Variants in MYO10 observed in about 807,000 individuals in gnomAD.
MYO10 encodes unconventional myosin-X.
Under a neutral mutation model 257.3 loss-of-function variants are expected in MYO10, and 133 were observed. The observed-to-expected ratio is 0.52, with a 90% CI of 0.45 to 0.60. The LOEUF (loss-of-function observed/expected upper bound fraction) is 0.60. MYO10 is among the 20% of genes least tolerant of loss of function. The pLI is 0.00. For missense variants in MYO10, 2,399 were observed against 2,635.7 expected (o/e 0.91, Z 1.97); for synonymous variants, 1,104 against 1,028.6 (o/e 1.07, Z -1.40).
At chr5:16,824,048 G>C (rs1034764588) in intron 2 of MYO10, among the ~76,000 whole-genome samples, 11 of 152,058 alleles carry the variant, frequency 7.2e-5, no homozygotes, top group Non-Finnish European at 8.8e-5. Context: ...ATTGGCGTGG[G>C]GGCAGAACAA....
intron 3 of MYO10, among the ~76,000 whole-genome samples, chr5:16,798,495 AG>A (rs1221859086): frequency 2.6e-5 from 4 of 151,916 alleles, no homozygotes; most frequent in Admixed American, 6.6e-5. Context: ...GAAAAAAAAA[AG>A]TGTCCTACTC....
chr5:16,671,495 A>T lies in MYO10; in HGVS notation c.5357T>A (p.Phe1786Tyr). ...TGTGTCCAGGAAGCAGTAAAGTTTG[A>T]AGTAGAATTTCCATGGCAGGTCCCC... ...EVGDLPWKFY[F>Y]KLYCFLDTDN... Residue 1786 changes from phenylalanine (F) to tyrosine (Y), a missense_variant, in exon 38 of 41, where the codon TTC (phenylalanine) becomes TAC (tyrosine). Phe to Tyr is a conservative substitution (Grantham distance 22). This residue lies in a region of MYO10 where 1,820 missense variants were observed against 1,939.4 expected (regional missense o/e 0.94). Coordinates refer to ENST00000513610, the MANE Select transcript of MYO10 (RefSeq NM_012334.3). The T allele has an allele frequency of 6.2e-7, 1 of 1,614,002 alleles. No individual in the cohort carries two copies. Among genetic ancestry groups the T allele is most frequent in the Non-Finnish European group, 8.5e-7 (1 of 1,179,874 alleles).
chr5:16,818,395 T>C (rs1434686658), intron 2 of MYO10, among the ~76,000 whole-genome samples: 1 of 110,420 alleles, frequency 9.1e-6, no homozygotes, highest in East Asian at 2.5e-4. Context: ...TGTGTGTGTG[T>C]GTGTGTGTGT....
Position 16,674,976 on chromosome 5 carries a change from G to A in MYO10, c.4841C>T (p.Thr1614Ile). 6.2e-7 allele frequency: 1 copy of A among 1,613,988 alleles called. No individual in the cohort carries two copies. Among genetic ancestry groups the A allele is most frequent in the Non-Finnish European group, 8.5e-7 (1 of 1,179,898 alleles). Residue 1614 changes from threonine (T) to isoleucine (I), a missense_variant, in exon 35 of 41, where the codon ACC becomes ATC. By Grantham distance (89) the Thr-to-Ile change is moderately conservative. Around this residue, in one of 3 missense-constraint regions of MYO10, gnomAD observed 1,820 missense variants for 1,939.4 expected, o/e 0.94. Coordinates refer to ENST00000513610, the MANE Select transcript of MYO10 (RefSeq NM_012334.3). ...ACTGCCGGGGTGGGGCACTTTGTTG[G>A]TCTGTTTGATAAGCTGGCAGTACAG... ...DELYCQLIKQ[T>I]NKVPHPGSVG...
intron 3 of MYO10, among the ~76,000 whole-genome samples, chr5:16,805,500 C>T (rs1269370321): frequency 6.7e-6 from 1 of 149,120 alleles, no homozygotes; most frequent in Non-Finnish European, 1.5e-5. Flanking sequence ...AAAAAGAAAT[C>T]CTAAGGTCTA....
chr5:16,690,750 AG>A (rs1487792090), intron 27 of MYO10, among the ~76,000 whole-genome samples: 1 of 151,960 alleles, frequency 6.6e-6, no homozygotes, highest in Non-Finnish European at 1.5e-5. Context: ...TATTTCCATC[AG>A]GGGTGCTGGG....
intron 19 of MYO10, chr5:16,738,291 A>G: frequency 1.0e-6 from 1 of 985,512 alleles, no homozygotes; most frequent in Non-Finnish European, 1.2e-6. Context: ...GGTGGTTAGC[A>G]GTGTCCCAGG....
rs908907748 is a variant in MYO10 at position 16,792,586 on chromosome 5, G to C, written c.467+2060C>G. The stretch of plus-strand genomic sequence containing the variant: ...CCCCAGTCCCTCCCCACAGGAGCGG[G>C]GGGCGGGGGGCTGCTCTAAGTGCTC... On this transcript the variant is annotated intron_variant, in intron 4 of 40. Coordinates refer to ENST00000513610, the MANE Select transcript of MYO10 (RefSeq NM_012334.3). Among the ~76,000 whole-genome samples the C allele has an allele frequency of 1.2e-3, 85 of 71,496 alleles. 1 individual carries two copies. The highest frequency in any genetic ancestry group is 3.4e-3 in the African/African-American group (80 of 23,876). The allele number at this position is 71,496 out of a possible 152,430, so 46.9% of individuals were successfully genotyped here.
chr5:16,898,932 G>GCCTGGCCA (rs1554007276), intron 1 of MYO10, among the ~76,000 whole-genome samples: 1 of 72,812 alleles, frequency 1.4e-5, no homozygotes, highest in East Asian at 4.8e-4. Context: ...GATCACCTGA[G>GCCTGGCCA]CCTGGCCACC....
chr5:16,711,082 C>T (rs751263363), intron 20 of MYO10, 39 bp downstream of exon 20: 1 of 1,612,996 alleles, frequency 6.2e-7, no homozygotes. Flanking sequence ...TCTCCAACCC[C>T]TTTGAAAAGA....
intron 1 of MYO10, among the ~76,000 whole-genome samples, chr5:16,928,338 G>A (rs548276257): frequency 1.3e-5 from 2 of 152,188 alleles, no homozygotes; most frequent in East Asian, 3.9e-4. Context: ...GCGATTACAG[G>A]CCCATGTCAC....
At chr5:16,879,402 T>C (rs1372202570) in intron 1 of MYO10, among the ~76,000 whole-genome samples, 5 of 152,228 alleles carry the variant, frequency 3.3e-5, no homozygotes, top group Admixed American at 6.5e-5. Context: ...CTCCTCATTT[T>C]ACGCTACTTT....
intron 33 of MYO10, among the ~76,000 whole-genome samples, chr5:16,678,600 A>T (rs1195078800): frequency 6.6e-6 from 1 of 152,170 alleles, no homozygotes; most frequent in Admixed American, 6.5e-5. Flanking sequence ...CAAACAAAAA[A>T]CAACTGGCTT....
In MYO10 at chr5:16,689,896, T is replaced by C; in HGVS notation, c.3824A>G (p.Lys1275Arg). The C allele has an allele frequency of 6.2e-7, 1 of 1,613,514 alleles. No homozygotes were observed. The highest frequency in any genetic ancestry group is 8.5e-7 in the Non-Finnish European group (1 of 1,179,590). The part of the protein sequence containing the change: ...TAKEIIDNTT[K>R]ENGIDIIMAD... ...CATAATGATGTCGATCCCATTCTCC[T>C]TGGTGGTGTTATCTATGATCTCTCT... The change falls in exon 28 of 41, where the codon AAG becomes AGG. Residue 1275 changes from lysine to arginine, a missense_variant. Physicochemically the swap from Lys to Arg is conservative, Grantham distance 26. Transcript: ENST00000513610.
At chr5:16,818,376 G>T (rs1301645157) in intron 2 of MYO10, among the ~76,000 whole-genome samples, 1 of 54,924 alleles carries the variant, frequency 1.8e-5, no homozygotes, top group African/African-American at 6.7e-5. Context: ...GTGTGTGTGT[G>T]TGTGCGTGTG....
intron 1 of MYO10, among the ~76,000 whole-genome samples, chr5:16,891,275 A>T (rs1379240944): frequency 1.4e-5 from 2 of 146,844 alleles, no homozygotes; most frequent in East Asian, 3.9e-4. Context: ...AGCCTGGATG[A>T]CAGAGTGAGA....
At chr5:16,884,881 G>GAGT (rs952377611) in intron 1 of MYO10, among the ~76,000 whole-genome samples, 40 of 152,246 alleles carry the variant, frequency 2.6e-4, no homozygotes, top group Admixed American at 2.4e-3. Flanking sequence ...CACTATTCTA[G>GAGT]AGTAATACAG....
chr5:16,786,870 T>TAA (rs869066240), intron 4 of MYO10, among the ~76,000 whole-genome samples: 3 of 71,884 alleles, frequency 4.2e-5, no homozygotes, highest in African/African-American at 1.2e-4. Context: ...CATTTTTATT[T>TAA]AAAAAAAAAA....
At chr5:16,873,152 C>A (rs1422065397) in intron 2 of MYO10, among the ~76,000 whole-genome samples, 1 of 152,200 alleles carries the variant, frequency 6.6e-6, no homozygotes, top group African/African-American at 2.4e-5. Context: ...AAGCTAATTA[C>A]TTCCTAGATA....
Sources: gnomAD v4.1 joint callset for allele counts (sites outside exome capture counted in the v4.1 genomes callset) on GRCh38, gnomAD v4.1.1 for gene constraint, gnomAD v4.1.1 regional missense constraint, MANE v1.5 for transcripts, NCBI Gene and HGNC (gene_info 2026-07-23, HGNC 2026-07-21) for gene names.